The following WWP2 variants were observed in gnomAD, a reference collection of about 807,000 sequenced individuals.
WWP2 encodes NEDD4-like E3 ubiquitin-protein ligase WWP2.
WWP2 carries 57 observed loss-of-function variants against 121.0 expected under a neutral mutation model. That is an observed-to-expected ratio of 0.47 (90% CI 0.38 to 0.59). WWP2 has a LOEUF of 0.59. Ranked by LOEUF, WWP2 falls within the 20% of genes least tolerant of loss-of-function variation. The pLI is 0.00. For missense variants in WWP2, 962 were observed against 1,158.9 expected (o/e 0.83, Z 2.47); for synonymous variants, 449 against 441.3 (o/e 1.02, Z -0.22).
intron 2 of WWP2, among the ~76,000 whole-genome samples, chr16:69,793,125 G>A (rs2055948073): frequency 6.6e-6 from 1 of 152,148 alleles, no homozygotes; most frequent in Admixed American, 6.6e-5. Context: ...GGAGGCCTAG[G>A]TGGGATCATG....
chr16:69,918,930 G>A (rs1407090643), intron 10 of WWP2, among the ~76,000 whole-genome samples: 1 of 139,948 alleles, frequency 7.1e-6, no homozygotes, highest in African/African-American at 2.7e-5. Context: ...TGCAACCTCT[G>A]TCTCCTAGGT....
chr16:69,933,049 T>C (rs1478122284), intron 16 of WWP2: 2 of 488,304 alleles, frequency 4.1e-6, no homozygotes, highest in Non-Finnish European at 8.5e-6. Flanking sequence ...CAGGCTCTGC[T>C]TGGTGGGCTT....
intron 6 of WWP2, among the ~76,000 whole-genome samples, chr16:69,868,113 A>C (rs2057561538): frequency 2.0e-5 from 3 of 152,202 alleles, no homozygotes; most frequent in Admixed American, 2.0e-4. Flanking sequence ...CACAAGAGCC[A>C]AAAACTGGAA....
chr16:69,762,603 C>G, intron 1 of WWP2, among the ~76,000 whole-genome samples: 1 of 151,454 alleles, frequency 6.6e-6, no homozygotes, highest in South Asian at 2.1e-4. Flanking sequence ...CCGCGGCCCG[C>G]GCGGGGGTTG....
intron 2 of WWP2, among the ~76,000 whole-genome samples, chr16:69,788,505 C>T (rs2055840122): frequency 6.6e-6 from 1 of 152,204 alleles, no homozygotes; most frequent in Non-Finnish European, 1.5e-5. Context: ...AGTGAATACA[C>T]TGGGCAGGCG....
intron 11 of WWP2, among the ~76,000 whole-genome samples, chr16:69,926,849 AG>A (rs1307988652): frequency 6.6e-6 from 1 of 152,200 alleles, no homozygotes; most frequent in Admixed American, 6.5e-5. Flanking sequence ...AAAATGCGTC[AG>A]ATTAAACAAG....
intron 9 of WWP2, among the ~76,000 whole-genome samples, chr16:69,913,089 A>T (rs374642480): frequency 7.3e-6 from 1 of 136,386 alleles, no homozygotes; most frequent in Non-Finnish European, 1.6e-5. Flanking sequence ...CAGTGGCGCA[A>T]TCTCGGCTCA....
At chr16:69,912,369 T>TCACACACACACA (rs3051446) in intron 9 of WWP2, among the ~76,000 whole-genome samples, 35 of 140,196 alleles carry the variant, frequency 2.5e-4, no homozygotes, top group African/African-American at 7.5e-4. Flanking sequence ...GGAGTTAGAT[T>TCACACACACACA]CACACACACA....
intron 4 of WWP2, among the ~76,000 whole-genome samples, chr16:69,802,033 G>A (rs1045131566): frequency 6.6e-6 from 1 of 151,408 alleles, no homozygotes; most frequent in African/African-American, 2.4e-5. Flanking sequence ...GGGTTCAAGC[G>A]ATTCTCCTGC....
intron 6 of WWP2, among the ~76,000 whole-genome samples, chr16:69,854,744 T>A (rs2057278689): frequency 6.6e-6 from 1 of 152,116 alleles, no homozygotes. Flanking sequence ...AGAGGCGAGG[T>A]TTCGCCAAGT....
At chr16:69,857,226 C>T (rs933392875) in intron 6 of WWP2, among the ~76,000 whole-genome samples, 2 of 152,094 alleles carry the variant, frequency 1.3e-5, no homozygotes, top group African/African-American at 4.8e-5. Context: ...GCCTCAGCCT[C>T]CCGAGTAGCT....
At chr16:69,882,661 TC>T (rs764968126) in intron 7 of WWP2, among the ~76,000 whole-genome samples, 7 of 151,832 alleles carry the variant, frequency 4.6e-5, no homozygotes, top group Non-Finnish European at 8.8e-5. Context: ...CGGGAGGGCG[TC>T]CAGGGAAGAA....
At chr16:69,792,717 GGTCTCA>G in intron 2 of WWP2, among the ~76,000 whole-genome samples, 1 of 152,016 alleles carries the variant, frequency 6.6e-6, no homozygotes, top group East Asian at 1.9e-4. Flanking sequence ...TTTGAGTCAG[GGTCTCA>G]CTCTGTCACC....
In WWP2 at chr16:69,937,309, T is replaced by C. The variant is rs979810098; in HGVS notation, c.2238+71T>C. Reference sequence around the variant, plus strand: ...CGATCCTGCTCTGTGATACGCTCACTGTGTACCCACAGACACTCAGCGTAA... The same window carrying C: ...CGATCCTGCTCTGTGATACGCTCACCGTGTACCCACAGACACTCAGCGTAA... On this transcript the variant is annotated intron_variant, in intron 20 of 23. Transcript: ENST00000359154. This position sits in a 1 kb window ranked among gnomAD's most constrained non-coding sequence, Gnocchi z 6.6. The C allele has an allele frequency of 1.3e-5, 20 of 1,584,930 alleles. No individual in the cohort carries two copies. The highest frequency in any genetic ancestry group is 1.7e-5 in the Non-Finnish European group (20 of 1,165,116).
intron 6 of WWP2, among the ~76,000 whole-genome samples, chr16:69,866,994 G>A (rs2057537697): frequency 6.6e-6 from 1 of 151,916 alleles, no homozygotes; most frequent in African/African-American, 2.4e-5. Context: ...TGCGCCACCA[G>A]GCCTGGCTAA....
In WWP2 at chr16:69,827,750, G is replaced by GCCCAGGC. The variant is rs1217313858; in HGVS notation, c.341-12374_341-12373insCAGGCCC. 4 of 381,586 alleles carry GCCCAGGC rather than the reference G, an allele frequency of 1.0e-5. No individual in the cohort carries two copies. The Admixed American group carries it at 1.3e-4, about 13-fold the overall frequency. 23.6% of individuals were successfully genotyped at this position (381,586 alleles called of 1,614,324 possible). On this transcript the variant is annotated intron_variant, in intron 4 of 23. Coordinates refer to ENST00000359154, the MANE Select transcript of WWP2 (RefSeq NM_001270454.2). ...GGGTGATCTGTTGGAGCCAGGCAGGGCCTGGGCAGGGGATTAATGGTGTGG... is the reference window on the plus strand; with the variant it reads ...GGGTGATCTGTTGGAGCCAGGCAGGGCCCAGGCCCTGGGCAGGGGATTAATGGTGTGG...
intron 10 of WWP2, 53 bp downstream of exon 10, chr16:69,917,936 A>G (rs1027731709): frequency 4.6e-6 from 7 of 1,523,328 alleles, no homozygotes; most frequent in Non-Finnish European, 5.3e-6. Flanking sequence ...GCGCTTGCGA[A>G]TGTGCAGCCA....
intron 8 of WWP2, among the ~76,000 whole-genome samples, chr16:69,893,064 C>T (rs1377147862): frequency 3.3e-5 from 5 of 152,220 alleles, no homozygotes; most frequent in African/African-American, 7.2e-5. Flanking sequence ...ACCCTCTCTC[C>T]GGACTTAGGA....
intron 16 of WWP2, among the ~76,000 whole-genome samples, chr16:69,932,491 C>T (rs1389794587): frequency 1.3e-5 from 2 of 152,252 alleles, no homozygotes; most frequent in East Asian, 3.8e-4. Context: ...GAGCTCAGTA[C>T]AATGGCTCTG....
Sources: allele counts gnomAD v4.1 joint callset (sites outside exome capture counted in the v4.1 genomes callset), GRCh38; gene constraint gnomAD v4.1.1; non-coding constraint Gnocchi (gnomAD v3.1); transcripts MANE v1.5; gene names NCBI Gene and HGNC (gene_info 2026-07-23, HGNC 2026-07-21).